TRPM3: variants seen among roughly 807,000 people sequenced by gnomAD.
TRPM3 encodes the protein transient receptor potential cation channel subfamily M member 3.
TRPM3 carries 77 observed loss-of-function variants against 181.2 expected under a neutral mutation model. That is an observed-to-expected ratio of 0.42 (90% confidence interval 0.35 to 0.51). The LOEUF is 0.51. Ranked by LOEUF, TRPM3 falls within the 20% of genes least tolerant of loss-of-function variation. TRPM3 has a pLI of 0.01. For synonymous variants in TRPM3, 745 were observed against 796.4 expected (o/e 0.94, Z 1.09); for missense variants, 1,759 against 2,196.7 (o/e 0.80, Z 3.98).
chr9:71,109,664 A>G (rs1417172644), intron 1 of TRPM3, among the ~76,000 whole-genome samples: 1 of 152,166 alleles, frequency 6.6e-6, no homozygotes, highest in Non-Finnish European at 1.5e-5. Context: ...CAATCTACCA[A>G]TGTTTATTAT....
intron 1 of TRPM3, among the ~76,000 whole-genome samples, chr9:71,441,132 G>T (rs1291764030): frequency 6.6e-6 from 1 of 152,120 alleles, no homozygotes; most frequent in Non-Finnish European, 1.5e-5. Flanking sequence ...TCACTGTGAT[G>T]AGGAGGAGGA....
intron 1 of TRPM3, among the ~76,000 whole-genome samples, chr9:71,394,632 G>A (rs1242687801): frequency 2.0e-5 from 3 of 152,044 alleles, no homozygotes; most frequent in Non-Finnish European, 4.4e-5. Context: ...TGGTTGCTAT[G>A]TTGCTCTCAC....
At chr9:71,221,605 T>C (rs1042647921) in intron 1 of TRPM3, among the ~76,000 whole-genome samples, 2 of 152,186 alleles carry the variant, frequency 1.3e-5, no homozygotes, top group African/African-American at 2.4e-5. Context: ...CAATGCCCTG[T>C]AGCTAATAGT....
intron 12 of TRPM3, among the ~76,000 whole-genome samples, chr9:70,630,752 A>G (rs921623450): frequency 6.6e-6 from 1 of 152,122 alleles, no homozygotes; most frequent in Non-Finnish European, 1.5e-5. Flanking sequence ...GATTCAAGTA[A>G]TTTGCTAGAC....
chr9:71,281,489 A>G (rs909034838), intron 1 of TRPM3, among the ~76,000 whole-genome samples: 1 of 152,150 alleles, frequency 6.6e-6, no homozygotes, highest in Non-Finnish European at 1.5e-5. Flanking sequence ...CTGTCTCCCC[A>G]GGTACAGTAT....
At chr9:71,379,876 G>A (rs1275334991) in intron 1 of TRPM3, among the ~76,000 whole-genome samples, 1 of 151,940 alleles carries the variant, frequency 6.6e-6, no homozygotes, top group Admixed American at 6.6e-5. Context: ...GAGAACCATA[G>A]GGTCAGTATG....
intron 1 of TRPM3, among the ~76,000 whole-genome samples, chr9:71,417,507 G>A (rs974329911): frequency 2.6e-5 from 4 of 151,870 alleles, no homozygotes; most frequent in South Asian, 4.1e-4. Flanking sequence ...ATGCACATAC[G>A]CTAGCACAAT....
intron 1 of TRPM3, among the ~76,000 whole-genome samples, chr9:70,890,596 G>A (rs369430966): frequency 2.2e-4 from 34 of 151,818 alleles, no homozygotes; most frequent in Admixed American, 2.0e-3. Flanking sequence ...AACATATTTC[G>A]TAAATAAGAT....
chr9:70,783,024 A>G (rs188219878), intron 7 of TRPM3, among the ~76,000 whole-genome samples: 1 of 152,260 alleles, frequency 6.6e-6, no homozygotes, highest in African/African-American at 2.4e-5. Context: ...GGCTGGGTAC[A>G]AGAGGGATGG....
At chr9:71,325,039 A>C (rs1440435793) in intron 1 of TRPM3, among the ~76,000 whole-genome samples, 1 of 152,136 alleles carries the variant, frequency 6.6e-6, no homozygotes, top group Non-Finnish European at 1.5e-5. Flanking sequence ...AACAGAGTAG[A>C]GTGGCTATAC....
chr9:71,087,161 C>A (rs1480199167), intron 1 of TRPM3, among the ~76,000 whole-genome samples: 2 of 151,936 alleles, frequency 1.3e-5, no homozygotes, highest in Non-Finnish European at 2.9e-5. Flanking sequence ...ACTTTTTAAC[C>A]CAATCTTACT....
intron 1 of TRPM3, among the ~76,000 whole-genome samples, chr9:71,009,769 A>G (rs1375377834): frequency 6.6e-6 from 1 of 152,216 alleles, no homozygotes; most frequent in East Asian, 1.9e-4. Flanking sequence ...CCAGAGAGCC[A>G]AAGCAATCTT....
chr9:71,369,823 G>T (rs1177499721), intron 1 of TRPM3, among the ~76,000 whole-genome samples: 1 of 152,160 alleles, frequency 6.6e-6, no homozygotes, highest in East Asian at 1.9e-4. Context: ...GTGCTTCATG[G>T]ACAATGCGCT....
intron 6 of TRPM3, among the ~76,000 whole-genome samples, chr9:70,799,466 G>C (rs17055843): frequency 0.082 from 12,553 of 152,264 alleles, 597 homozygotes; most frequent in East Asian, 0.11. Context: ...AATCTTTCCT[G>C]TGACTAAATC....
chr9:71,118,973 T>C (rs1282223270), intron 1 of TRPM3, among the ~76,000 whole-genome samples: 1 of 152,114 alleles, frequency 6.6e-6, no homozygotes, highest in Non-Finnish European at 1.5e-5. Flanking sequence ...CAAGAATACA[T>C]AGGAACTAGC....
At chr9:71,259,414 G>A (rs149472628) in intron 1 of TRPM3, among the ~76,000 whole-genome samples, 4,225 of 152,170 alleles carry the variant, frequency 0.028, 86 homozygotes, top group Non-Finnish European at 0.039. Flanking sequence ...CCCAGTAATG[G>A]GATTGCTGGG....
At chr9:71,237,062 G>C (rs2309894) in intron 1 of TRPM3, among the ~76,000 whole-genome samples, 3 of 94,900 alleles carry the variant, frequency 3.2e-5, no homozygotes, top group Admixed American at 2.2e-4. Context: ...AAAAAAAAAG[G>C]GGGGGGGAAA....
chr9:70,622,392 C>A (rs971732165), intron 14 of TRPM3, among the ~76,000 whole-genome samples: 5 of 152,216 alleles, frequency 3.3e-5, no homozygotes, highest in African/African-American at 1.2e-4. Context: ...TCTGAAGAGC[C>A]TCTATTATCT....
At chr9:70,590,004 G>T (rs2057850533) in intron 22 of TRPM3, among the ~76,000 whole-genome samples, 2 of 152,148 alleles carry the variant, frequency 1.3e-5, no homozygotes, top group South Asian at 4.1e-4. Context: ...ACCTGGTTAT[G>T]CAACCCTAAT....
Sources: gnomAD v4.1 joint callset for allele counts (sites outside exome capture counted in the v4.1 genomes callset) on GRCh38, gnomAD v4.1.1 for gene constraint, MANE v1.5 for transcripts, NCBI Gene and HGNC (gene_info 2026-07-23, HGNC 2026-07-21) for gene names.